Variants in PAXBP1 observed in about 807,000 individuals in gnomAD.
PAXBP1 encodes PAX3- and PAX7-binding protein 1.
PAXBP1 carries 44 observed loss-of-function variants against 119.9 expected under a neutral mutation model. That is an observed-to-expected ratio of 0.37 (90% confidence interval 0.29 to 0.47). The LOEUF (loss-of-function observed/expected upper bound fraction) is 0.47, where lower values mean the gene tolerates loss of function less well. Among genes scored for constraint, PAXBP1 ranks in the 20% least tolerant of loss-of-function variants. The pLI is 0.99. For synonymous variants in PAXBP1, 393 were observed against 406.6 expected (o/e 0.97, Z 0.40); for missense variants, 898 against 1,134.1 (o/e 0.79, Z 2.99).
chr21:32,768,388 GGACAAAAGTTCAAATTT>G (rs1277239027), intron 2 of PAXBP1, among the ~76,000 whole-genome samples: 3 of 152,186 alleles, frequency 2.0e-5, no homozygotes, highest in African/African-American at 7.2e-5. Flanking sequence ...AGACACTCCA[GGACAAAAGTTCAAATTT>G]GACTCTTTCT....
chr21:32,753,707 T>G (rs1287868910), intron 8 of PAXBP1, among the ~76,000 whole-genome samples: 1 of 152,232 alleles, frequency 6.6e-6, no homozygotes, highest in East Asian at 1.9e-4. Flanking sequence ...TAATGTATAC[T>G]CCCTCTAGGA....
intron 13 of PAXBP1, among the ~76,000 whole-genome samples, chr21:32,744,178 C>G: frequency 6.8e-6 from 1 of 146,936 alleles, no homozygotes; most frequent in East Asian, 2.1e-4. Context: ...GGTGCCCAAT[C>G]TTTTGGCTTC....
chr21:32,757,349 G>A (rs2044059975), intron 7 of PAXBP1, among the ~76,000 whole-genome samples: 1 of 145,298 alleles, frequency 6.9e-6, no homozygotes, highest in Non-Finnish European at 1.5e-5. Context: ...CTCTTAAAAT[G>A]AAATACACAT....
chr21:32,757,810 A>G (rs985424127), intron 7 of PAXBP1, among the ~76,000 whole-genome samples: 7 of 152,256 alleles, frequency 4.6e-5, no homozygotes, highest in Admixed American at 2.6e-4. Flanking sequence ...CACTGGGCTC[A>G]GAAGAGTTTT....
In PAXBP1 at chr21:32,737,263, C is replaced by T; in HGVS notation, c.2627G>A (p.Arg876Lys). 1 of 1,522,022 alleles carries T rather than the reference C, an allele frequency of 6.6e-7. No homozygotes were observed. The allele number at this position is 1,522,022 out of a possible 1,614,324, so 94.3% of individuals were successfully genotyped here. A position where few individuals can be genotyped will look rare whatever the true frequency, so the allele number is the denominator to read the frequency against. Residue 876 changes from arginine (R) to lysine (K), a missense_variant, in exon 17 of 18, where the codon AGA becomes AAA. Coordinates refer to ENST00000331923, the MANE Select transcript of PAXBP1 (RefSeq NM_016631.4). ...TTAATTACAAAATTACCTTGCATTT[C>T]TTTTTTCCACATCAGAACACCCGAT... ...NSIGCSDVEK[R>K]NARENIKQIV...
rs928257947 is a variant in PAXBP1 at position 32,771,538 on chromosome 21, G to A, written c.131C>T (p.Pro44Leu). 8.7e-6 allele frequency: 12 copies of A among 1,380,236 alleles called. No individual in the cohort carries two copies. The highest frequency in any genetic ancestry group is 1.1e-5 in the Non-Finnish European group (12 of 1,072,366). 85.5% of individuals were successfully genotyped at this position (1,380,236 alleles called of 1,614,324 possible). Residue 44 changes from proline (P) to leucine (L), a missense_variant, in exon 1 of 18, where the codon CCC becomes CTC. This residue lies in a region of PAXBP1 where 299 missense variants were observed against 281.4 expected (regional missense o/e 1.06). Transcript: ENST00000331923. ...PPPGTGEEAGPGGGDRAPGGE... is the reference protein window; with the variant it reads ...PPPGTGEEAGLGGGDRAPGGE... ...GCCAGGGGCCCTGTCGCCGCCACCG[G>A]GGCCCGCCTCTTCGCCCGTGCCCGG...
At chr21:32,770,108 T>C (rs1030617334) in intron 1 of PAXBP1, among the ~76,000 whole-genome samples, 166 bp from the exon 2 acceptor site, 44 of 152,100 alleles carry the variant, frequency 2.9e-4, no homozygotes, top group African/African-American at 9.7e-4. Context: ...AAAACAGAGG[T>C]CAACTTCCTA....
rs755869611 is a variant in PAXBP1, at chr21:32,771,374, T to C, written c.295A>G (p.Lys99Glu). Residue 99 changes from lysine (K) to glutamate (E), a missense_variant, in exon 1 of 18, where the codon AAA (lysine) becomes GAA (glutamate). Transcript: ENST00000331923. ...AGCAGGCTGGCCCGGGGCACCTCTT[T>C]GTTCTCGCGAGGCCTCTTGCGCGGC... ...LKPRKRPREN[K>E]EVPRASLLSF... The C allele has an allele frequency of 3.8e-6, 6 of 1,582,752 alleles. No individual in the cohort carries two copies. The highest frequency in any genetic ancestry group is 3.4e-5 in the Admixed American group (2 of 58,996).
At chr21:32,743,138 T>C in intron 15 of PAXBP1, 110 bp downstream of exon 15, 2 of 812,426 alleles carry the variant, frequency 2.5e-6, no homozygotes, top group East Asian at 2.7e-5. Context: ...TGGGTATAGA[T>C]ATAAATAGAT....
chr21:32,755,274 T>C lies in PAXBP1; in HGVS notation c.1463A>G (p.Gln488Arg), dbSNP rs1354973888. The change falls in exon 8 of 18, where the codon CAA becomes CGA. Residue 488 changes from glutamine to arginine, a missense_variant. By Grantham distance (43) the Gln-to-Arg change is conservative. Coordinates refer to ENST00000331923, the MANE Select transcript of PAXBP1 (RefSeq NM_016631.4). ...QRASRLVQRR[Q>R]DDIKDESSEF... ...CGAAGATTCATCTTTAATATCATCT[T>C]GTCGTCTTTGGACAAGGCGGGAAGC... 1 of 1,613,772 alleles carries C rather than the reference T, an allele frequency of 6.2e-7. No individual in the cohort carries two copies. Among genetic ancestry groups the C allele is most frequent in the Non-Finnish European group, 8.5e-7 (1 of 1,179,770 alleles).
intron 15 of PAXBP1, chr21:32,742,343 C>T (rs546746970): frequency 2.5e-4 from 38 of 152,270 alleles, no homozygotes; most frequent in African/African-American, 8.9e-4. Flanking sequence ...CCTCTATCAT[C>T]TGGACTATGG....
Position 32,744,852 on chromosome 21 carries a change from A to G in PAXBP1, c.2130T>C (p.Ile710=). Residue 710 remains isoleucine, a synonymous_variant, in exon 13 of 18, where the codon ATT becomes ATC. Coordinates refer to ENST00000331923, the MANE Select transcript of PAXBP1 (RefSeq NM_016631.4). ...GATATCCATTGATTAATTTTAGTGTAATTCCCACCATTCTTGAAGTCTGTG... is the reference window on the plus strand; with the variant it reads ...GATATCCATTGATTAATTTTAGTGTGATTCCCACCATTCTTGAAGTCTGTG... ...STTQTSRMVG[I]TLKLINGYPS... The G allele has an allele frequency of 6.2e-7, 1 of 1,607,156 alleles. No homozygotes were observed. The highest frequency in any genetic ancestry group is 1.1e-5 in the South Asian group (1 of 89,634).
At chr21:32,758,704 T>C (rs1444222463) in intron 7 of PAXBP1, among the ~76,000 whole-genome samples, 1 of 149,484 alleles carries the variant, frequency 6.7e-6, no homozygotes, top group Admixed American at 6.7e-5. Flanking sequence ...ATATTTAGAA[T>C]TGCTTGTAGA....
intron 15 of PAXBP1, among the ~76,000 whole-genome samples, chr21:32,740,063 G>C (rs982857464): frequency 4.6e-5 from 7 of 151,882 alleles, no homozygotes; most frequent in Non-Finnish European, 8.8e-5. Flanking sequence ...CTGTGAAAGG[G>C]AAATATCTTG....
At chr21:32,766,280 G>A (rs111633851) in intron 2 of PAXBP1, among the ~76,000 whole-genome samples, 270 of 152,254 alleles carry the variant, frequency 1.8e-3, no homozygotes, top group Middle Eastern at 6.8e-3. Context: ...AAATTCACAA[G>A]TATTTGCTTA....
At chr21:32,755,388 T>A in intron 7 of PAXBP1, 35 bp from the exon 8 acceptor site, 1 of 1,592,700 alleles carries the variant, frequency 6.3e-7, no homozygotes, top group Non-Finnish European at 8.5e-7. Context: ...AACACCAAAC[T>A]CCTCAGCTGC....
At chr21:32,737,026 G>A (rs1349030820) in intron 17 of PAXBP1, among the ~76,000 whole-genome samples, 1 of 152,190 alleles carries the variant, frequency 6.6e-6, no homozygotes, top group Non-Finnish European at 1.5e-5. Flanking sequence ...TCACTCCCCT[G>A]AGGGTTGGTC....
In PAXBP1 at chr21:32,737,256, T is replaced by C; in HGVS notation, c.2634A>G (p.Ala878=). 1 of 1,519,442 alleles carries C rather than the reference T, an allele frequency of 6.6e-7. No individual in the cohort carries two copies. Among genetic ancestry groups the C allele is most frequent in the South Asian group, 1.3e-5 (1 of 77,566 alleles). The allele number at this position is 1,519,442 out of a possible 1,614,324, so 94.1% of individuals were successfully genotyped here. The change falls in exon 17 of 18, where the codon GCA becomes GCG. Residue 878 remains alanine, a splice_region_variant and synonymous_variant. Transcript: ENST00000331923. ...CATTTCATTAATTACAAAATTACCT[T>C]GCATTTCTTTTTTCCACATCAGAAC... The part of the protein sequence containing the change: ...IGCSDVEKRN[A]RENIKQIVKL...
At chr21:32,747,005 T>C (rs1262836962) in intron 11 of PAXBP1, among the ~76,000 whole-genome samples, 2 of 150,398 alleles carry the variant, frequency 1.3e-5, no homozygotes, top group Non-Finnish European at 1.5e-5. Context: ...AAGCACCACA[T>C]GTTCTCGCAA....
Sources: gnomAD v4.1 joint callset for allele counts (sites outside exome capture counted in the v4.1 genomes callset) on GRCh38, gnomAD v4.1.1 for gene constraint, gnomAD v4.1.1 regional missense constraint, MANE v1.5 for transcripts, NCBI Gene and HGNC (gene_info 2026-07-23, HGNC 2026-07-21) for gene names.